Variants in KIF20B observed in about 807,000 individuals in gnomAD.
KIF20B encodes the protein kinesin-like protein KIF20B.
KIF20B carries 188 observed loss-of-function variants against 232.5 expected under a neutral mutation model. The ratio of observed to expected loss-of-function variants is 0.81; its 90% CI spans 0.72 to 0.91. KIF20B has a LOEUF of 0.91. KIF20B is among the 40% of genes least tolerant of loss of function. KIF20B has a pLI of 0.00. For synonymous variants in KIF20B, 712 were observed against 683.0 expected (o/e 1.04, Z -0.66); for missense variants, 2,154 against 2,055.9 (o/e 1.05, Z -0.92).
At chr10:89,739,147 C>G (rs1841739021) in intron 21 of KIF20B, 51 bp downstream of exon 21, 1 of 1,558,942 alleles carries the variant, frequency 6.4e-7, no homozygotes, top group African/African-American at 1.4e-5. Flanking sequence ...GATTGTTTTC[C>G]TTATATATCA....
chr10:89,727,672 C>G (rs1385028002), intron 16 of KIF20B, among the ~76,000 whole-genome samples, 184 bp from the exon 17 acceptor site: 1 of 151,860 alleles, frequency 6.6e-6, no homozygotes, highest in East Asian at 1.9e-4. Context: ...GAAACATTAC[C>G]CTGTTGTGGT....
chr10:89,772,595 A>C, intron 31 of KIF20B, 94 bp from the exon 32 acceptor site: 1 of 737,384 alleles, frequency 1.4e-6, no homozygotes, highest in Non-Finnish European at 2.2e-6. Context: ...TTCATTCTTT[A>C]TTAAGGATTT....
At chr10:89,758,159 G>C (rs1290181091) in intron 26 of KIF20B, among the ~76,000 whole-genome samples, 1 of 151,760 alleles carries the variant, frequency 6.6e-6, no homozygotes, top group East Asian at 1.9e-4. Context: ...GATAAAAACT[G>C]CTTTTACTCT....
At chr10:89,732,880 A>C in intron 18 of KIF20B, 23 bp from the exon 19 acceptor site, 1 of 1,510,696 alleles carries the variant, frequency 6.6e-7, no homozygotes, top group South Asian at 1.3e-5. Flanking sequence ...TATGTGAATT[A>C]TTTTTAACTT....
In KIF20B at chr10:89,715,087, A is replaced by G. The variant is rs1842910730; in HGVS notation, c.845A>G (p.Tyr282Cys). The G allele has an allele frequency of 1.2e-6, 2 of 1,607,764 alleles. No individual in the cohort carries two copies. The highest frequency in any genetic ancestry group is 2.2e-5 in the East Asian group (1 of 44,702). ...TCTTTCTTTGAAATTTACAATGAAT[A>G]TATTTATGACTTATTTGTTCCTGTA... Reference protein sequence around the residue: ...WVSFFEIYNEYIYDLFVPVSS... With the variant: ...WVSFFEIYNECIYDLFVPVSS... The change falls in exon 8 of 33, where the codon TAT becomes TGT. Residue 282 changes from tyrosine to cysteine, a missense_variant. Physicochemically the swap from Tyr to Cys is radical, Grantham distance 194. Coordinates refer to ENST00000371728, the MANE Select transcript of KIF20B (RefSeq NM_001284259.2).
At chr10:89,722,872 A>T (rs12783845) in intron 13 of KIF20B, among the ~76,000 whole-genome samples, 28,100 of 152,032 alleles carry the variant, frequency 0.18, 3,135 homozygotes, top group East Asian at 0.35. Context: ...ATGTTAATGG[A>T]TTTTTATTAT....
At chr10:89,717,554 TA>T in intron 10 of KIF20B, 21 bp from the exon 11 acceptor site, 1 of 1,596,000 alleles carries the variant, frequency 6.3e-7, no homozygotes, top group Non-Finnish European at 8.5e-7. Context: ...ACTTTTAAAG[TA>T]CTTTTTTTTT....
chr10:89,718,927 GAAAT>G (rs1472579090), intron 12 of KIF20B, 55 bp downstream of exon 12: 1 of 1,128,528 alleles, frequency 8.9e-7, no homozygotes, highest in Non-Finnish European at 1.2e-6. Flanking sequence ...AGTTTTTCTT[GAAAT>G]AAATATTTTT....
chr10:89,768,434 A>T, intron 30 of KIF20B, 43 bp downstream of exon 30: 1 of 1,156,554 alleles, frequency 8.6e-7, no homozygotes, highest in Non-Finnish European at 1.3e-6. Context: ...ATTATCCAGA[A>T]ATCCAGTTGT....
chr10:89,702,429 T>A (rs1049604502), intron 1 of KIF20B, among the ~76,000 whole-genome samples: 1 of 152,246 alleles, frequency 6.6e-6, no homozygotes, highest in Admixed American at 6.5e-5. Context: ...AACTACTAGT[T>A]TACAGAAGTT....
chr10:89,724,642 C>T (rs1161257517), intron 14 of KIF20B, among the ~76,000 whole-genome samples: 1 of 152,066 alleles, frequency 6.6e-6, no homozygotes, highest in Non-Finnish European at 1.5e-5. Flanking sequence ...TGTGCTGTCA[C>T]CCAGGCTGGT....
intron 8 of KIF20B, among the ~76,000 whole-genome samples, chr10:89,715,697 C>T (rs1842921839): frequency 6.6e-6 from 1 of 152,044 alleles, no homozygotes; most frequent in African/African-American, 2.4e-5. Flanking sequence ...TTTGTCATTT[C>T]TACAAAATGC....
At chr10:89,731,804 T>G (rs887276790) in intron 18 of KIF20B, among the ~76,000 whole-genome samples, 1 of 152,206 alleles carries the variant, frequency 6.6e-6, no homozygotes, top group African/African-American at 2.4e-5. Context: ...AAGGGACTAA[T>G]TGTGAGAAAG....
At chr10:89,736,113 A>G (rs1841646935) in intron 19 of KIF20B, among the ~76,000 whole-genome samples, 1 of 152,176 alleles carries the variant, frequency 6.6e-6, no homozygotes, top group Non-Finnish European at 1.5e-5. Context: ...AAATTGTACC[A>G]GAACAATGTT....
intron 32 of KIF20B, among the ~76,000 whole-genome samples, chr10:89,773,663 C>T (rs909437236): frequency 4.6e-5 from 7 of 152,016 alleles, no homozygotes; most frequent in African/African-American, 1.7e-4. Flanking sequence ...AAGATCATTT[C>T]TTAAAAATTA....
Position 89,738,222 on chromosome 10 carries a change from A to T in KIF20B, c.3381A>T (p.Glu1127Asp). 6.2e-7 allele frequency: 1 copy of T among 1,602,264 alleles called. No homozygotes were observed. Among genetic ancestry groups the T allele is most frequent in the Non-Finnish European group, 8.5e-7 (1 of 1,177,618 alleles). ...CTCTTATACAGCAGCTGAAAGAAGA[A>T]TTGCAAGAAAAAAATGTTACTCTTG... The part of the protein sequence containing the change: ...KETLIQQLKE[E>D]LQEKNVTLDV... The change falls in exon 20 of 33, where the codon GAA (glutamate) becomes GAT (aspartate). Residue 1127 changes from glutamate (E) to aspartate (D), a missense_variant. Glu to Asp is a conservative substitution (Grantham distance 45). Transcript: ENST00000371728.
At chr10:89,721,291 T>C (rs1459341755) in intron 13 of KIF20B, among the ~76,000 whole-genome samples, 1 of 152,196 alleles carries the variant, frequency 6.6e-6, no homozygotes. Flanking sequence ...AAGTCCCACT[T>C]TATCTGGTCA....
intron 22 of KIF20B, among the ~76,000 whole-genome samples, chr10:89,745,019 A>G (rs1488632350): frequency 6.6e-6 from 1 of 152,184 alleles, no homozygotes; most frequent in East Asian, 1.9e-4. Context: ...CCAATCTTGC[A>G]GCTACTTTCT....
At chr10:89,708,817 G>A (rs986935640) in intron 2 of KIF20B, among the ~76,000 whole-genome samples, 2 of 152,124 alleles carry the variant, frequency 1.3e-5, no homozygotes, top group Admixed American at 1.3e-4. Context: ...ATGGAATTGA[G>A]CATTTGAATA....
Sources: gnomAD v4.1 joint callset for allele counts (sites outside exome capture counted in the v4.1 genomes callset) on GRCh38, gnomAD v4.1.1 for gene constraint, MANE v1.5 for transcripts, NCBI Gene and HGNC (gene_info 2026-07-23, HGNC 2026-07-21) for gene names.